Variants in FANCC observed in about 807,000 individuals in gnomAD.
The protein encoded by FANCC is Fanconi anemia group C protein.
Under a neutral mutation model 71.3 loss-of-function variants are expected in FANCC, and 55 were observed. That is an observed-to-expected ratio of 0.77 (90% CI 0.62 to 0.97). FANCC has a LOEUF of 0.97. FANCC is among the 50% of genes least tolerant of loss of function. FANCC has a pLI of 0.00. For missense variants in FANCC, 678 were observed against 670.9 expected, an observed-to-expected ratio of 1.01 and a Z score of -0.12; for synonymous variants, 275 against 244.9, an observed-to-expected ratio of 1.12 and a Z score of -1.15.
chr9:95,263,126 A>C (rs1832153825), intron 1 of FANCC, among the ~76,000 whole-genome samples: 1 of 152,194 alleles, frequency 6.6e-6, no homozygotes, highest in Admixed American at 6.5e-5. Context: ...AAAAACCAAC[A>C]ACACACAAAT....
chr9:95,294,201 C>T, intron 1 of FANCC: 4 of 1,597,234 alleles, frequency 2.5e-6, no homozygotes, highest in Non-Finnish European at 3.4e-6. Context: ...CTGGACCTGA[C>T]ACCCAGCTCC....
intron 7 of FANCC, among the ~76,000 whole-genome samples, chr9:95,140,293 C>G (rs1489984871): frequency 1.3e-5 from 2 of 152,116 alleles, no homozygotes; most frequent in Non-Finnish European, 2.9e-5. Flanking sequence ...TCTCCCCTGT[C>G]CAACAGACTC....
intron 4 of FANCC, among the ~76,000 whole-genome samples, chr9:95,230,480 T>C (rs1268962894): frequency 6.6e-6 from 1 of 152,200 alleles, no homozygotes; most frequent in East Asian, 1.9e-4. Context: ...TCGGTCTCGC[T>C]GACTTCAAGA....
At chr9:95,300,337 T>A (rs1005798659) in intron 1 of FANCC, among the ~76,000 whole-genome samples, 1 of 150,868 alleles carries the variant, frequency 6.6e-6, no homozygotes, top group Non-Finnish European at 1.5e-5. Flanking sequence ...AGTAAAAGAC[T>A]AAAAGGAAAA....
chr9:95,194,363 T>C lies in FANCC; in HGVS notation c.346-22216A>G, dbSNP rs193275904. Among the ~76,000 whole-genome samples, 7 of 152,312 alleles carry C rather than the reference T, an allele frequency of 4.6e-5. No homozygotes were observed. The East Asian group carries it at 1.4e-3, about 29-fold the overall frequency. On this transcript the variant is annotated intron_variant, in intron 4 of 14. Coordinates refer to ENST00000289081, the MANE Select transcript of FANCC (RefSeq NM_000136.3). ...TACACTGTCTCCTGGCTTCCATTAC[T>C]TCTGTAAGAAGTCAACAAGCAGCCT...
At chr9:95,123,394 C>T (rs1465487400) in intron 10 of FANCC, 5 of 442,150 alleles carry the variant, frequency 1.1e-5, no homozygotes, top group Middle Eastern at 3.7e-4. Context: ...AACCCCAGCA[C>T]TTTGGGAGGC....
Position 95,101,591 on chromosome 9 carries a change from T to A in FANCC, c.*116A>T, listed in dbSNP as rs7048910. Reference sequence around the variant, plus strand: ...GTCCCAAGATGTGTACAGCTCATTCTCACAGCCCAGCGAGGGCACTTACTC... The same window carrying A: ...GTCCCAAGATGTGTACAGCTCATTCACACAGCCCAGCGAGGGCACTTACTC... On this transcript the variant is annotated 3_prime_UTR_variant, in exon 15 of 15. Coordinates refer to ENST00000289081, the MANE Select transcript of FANCC (RefSeq NM_000136.3). 7.8e-7 allele frequency: 1 copy of A among 1,285,906 alleles called. No individual in the cohort carries two copies. The allele number at this position is 1,285,906 out of a possible 1,614,324, so 79.7% of individuals were successfully genotyped here. A position where few individuals can be genotyped will look rare whatever the true frequency, so the allele number is the denominator to read the frequency against.
intron 12 of FANCC, among the ~76,000 whole-genome samples, chr9:95,112,826 T>A (rs1003383839): frequency 1.3e-5 from 2 of 152,224 alleles, no homozygotes; most frequent in Non-Finnish European, 2.9e-5. Flanking sequence ...AGGTCTGGAT[T>A]GAAGTGGGAG....
intron 8 of FANCC, among the ~76,000 whole-genome samples, chr9:95,131,502 TCA>T (rs1290751166): frequency 2.0e-5 from 3 of 152,210 alleles, no homozygotes; most frequent in Non-Finnish European, 4.4e-5. Flanking sequence ...GCCTCTTTCT[TCA>T]CAGAGACTAT....
chr9:95,159,482 G>C (rs910054254), intron 6 of FANCC, among the ~76,000 whole-genome samples: 1 of 152,094 alleles, frequency 6.6e-6, no homozygotes, highest in African/African-American at 2.4e-5. Flanking sequence ...GAATAGTGCC[G>C]CAATAAACAT....
rs730881725 is a variant in FANCC, at chr9:95,107,106, G to A, written c.1493C>T (p.Ala498Val). ...CCAGGCGATCGTGTGGCCTCCAGGA[G>A]CCCAGAGCAGGAAGTTGAGGAGAAG... ...RHLLLNFLLW[A>V]PGGHTIAWDV... The change falls in exon 14 of 15, where the codon GCT becomes GTT. Residue 498 changes from alanine to valine, a missense_variant. Coordinates refer to ENST00000289081, the MANE Select transcript of FANCC (RefSeq NM_000136.3). The A allele has an allele frequency of 5.1e-5, 82 of 1,614,092 alleles. No homozygotes were observed. The highest frequency in any genetic ancestry group is 6.6e-5 in the Non-Finnish European group (78 of 1,180,040).
intron 7 of FANCC, 165 bp from the exon 8 acceptor site, chr9:95,135,667 C>T: frequency 1.6e-6 from 1 of 630,910 alleles, no homozygotes; most frequent in Non-Finnish European, 2.8e-6. Context: ...ACCAAGTGCT[C>T]ATTTGCAAAA....
intron 1 of FANCC, among the ~76,000 whole-genome samples, chr9:95,251,607 T>C (rs1831334787): frequency 6.6e-6 from 1 of 152,154 alleles, no homozygotes; most frequent in African/African-American, 2.4e-5. Context: ...TGAGCCACCG[T>C]GCCCAGCCAG....
At chr9:95,230,444 C>T (rs1316869849) in intron 4 of FANCC, among the ~76,000 whole-genome samples, 10 of 151,986 alleles carry the variant, frequency 6.6e-5, no homozygotes, top group East Asian at 1.9e-4. Flanking sequence ...TTATTGTGTC[C>T]GGAATTTATT....
At chr9:95,285,416 A>G (rs1054563444) in intron 1 of FANCC, among the ~76,000 whole-genome samples, 1 of 152,334 alleles carries the variant, frequency 6.6e-6, no homozygotes, top group East Asian at 1.9e-4. Context: ...CAAAAATAAT[A>G]ATGCCAATAA....
At chr9:95,218,095 T>C (rs1426447514) in intron 4 of FANCC, among the ~76,000 whole-genome samples, 1 of 152,136 alleles carries the variant, frequency 6.6e-6, no homozygotes, top group African/African-American at 2.4e-5. Flanking sequence ...GAACCTGCAA[T>C]TTAAAAACTT....
At chr9:95,275,476 A>C (rs1357218872) in intron 1 of FANCC, among the ~76,000 whole-genome samples, 2 of 152,158 alleles carry the variant, frequency 1.3e-5, no homozygotes, top group Non-Finnish European at 2.9e-5. Context: ...AGTAAACTCT[A>C]ATGTTAACTA....
chr9:95,169,758 G>A (rs1825546056), intron 6 of FANCC, among the ~76,000 whole-genome samples: 1 of 152,192 alleles, frequency 6.6e-6, no homozygotes, highest in Non-Finnish European at 1.5e-5. Flanking sequence ...TGGGATGTAT[G>A]CTGTAGTTAA....
At chr9:95,107,497 C>T in intron 13 of FANCC, 1 of 604,434 alleles carries the variant, frequency 1.7e-6, no homozygotes, top group Non-Finnish European at 2.9e-6. Context: ...AGTCAGGGCA[C>T]CATGCCAGGA....
Sources: allele counts gnomAD v4.1 joint callset (sites outside exome capture counted in the v4.1 genomes callset), GRCh38; gene constraint gnomAD v4.1.1; transcripts MANE v1.5; gene names NCBI Gene and HGNC (gene_info 2026-07-23, HGNC 2026-07-21).